The following HS6ST3 variants were observed in gnomAD, a reference collection of about 807,000 sequenced individuals.
HS6ST3 encodes heparan sulfate 6-O-sulfotransferase 3.
A neutral mutation model predicts 36.7 loss-of-function variants in HS6ST3; 12 were observed. The ratio of observed to expected loss-of-function variants is 0.33; its 90% CI spans 0.21 to 0.53. HS6ST3 has a LOEUF of 0.53. Ranked by LOEUF, HS6ST3 falls within the 20% of genes least tolerant of loss-of-function variation. The pLI, the probability that HS6ST3 is intolerant of heterozygous loss-of-function variation, is 0.95. For missense variants in HS6ST3, 584 were observed against 640.9 expected, an observed-to-expected ratio of 0.91 and a Z score of 0.96; for synonymous variants, 240 against 257.5, an observed-to-expected ratio of 0.93 and a Z score of 0.65.
In HS6ST3 at chr13:96,771,327, G is replaced by A. The variant is rs894797984; in HGVS notation, c.708-61163G>A. Among the ~76,000 whole-genome samples, 13 of 151,150 alleles carry A rather than the reference G, an allele frequency of 8.6e-5. No individual in the cohort carries two copies. The South Asian group carries it at 1.5e-3, about 17-fold the overall frequency. ...AGGAGATATACCTAATGTAAATGAC[G>A]AGTTAATGGGTGCAGCACACCAACA... is the stretch of plus-strand genomic sequence containing the variant. On this transcript the variant is annotated intron_variant, in intron 1 of 1. Coordinates refer to ENST00000376705, the MANE Select transcript of HS6ST3 (RefSeq NM_153456.4).
At chr13:96,501,878 G>A (rs1240437399) in intron 1 of HS6ST3, among the ~76,000 whole-genome samples, 3 of 152,208 alleles carry the variant, frequency 2.0e-5, no homozygotes, top group Non-Finnish European at 4.4e-5. Context: ...CAAAACTTTT[G>A]TTAGCTAGCA....
chr13:96,257,877 C>A (rs1427664543), intron 1 of HS6ST3, among the ~76,000 whole-genome samples: 1 of 152,280 alleles, frequency 6.6e-6, no homozygotes, highest in Admixed American at 6.5e-5. Flanking sequence ...CTTTGTGTTA[C>A]AAGAGCTGAT....
chr13:96,683,392 T>C (rs746669770), intron 1 of HS6ST3, among the ~76,000 whole-genome samples: 58 of 152,276 alleles, frequency 3.8e-4, no homozygotes, highest in Non-Finnish European at 8.2e-4. Flanking sequence ...CTTAGCAGAA[T>C]TTTTACTGAT....
chr13:96,210,429 C>T (rs1303082520), intron 1 of HS6ST3, among the ~76,000 whole-genome samples: 2 of 152,144 alleles, frequency 1.3e-5, no homozygotes, highest in Admixed American at 1.3e-4. Flanking sequence ...GAGGTGTGAC[C>T]CTGGGTCTCT....
intron 1 of HS6ST3, among the ~76,000 whole-genome samples, chr13:96,327,086 G>A (rs1272419126): frequency 1.4e-5 from 2 of 143,418 alleles, no homozygotes; most frequent in Non-Finnish European, 3.0e-5. Flanking sequence ...TTAGCCCTTT[G>A]TCAGATGAGT....
intron 1 of HS6ST3, among the ~76,000 whole-genome samples, chr13:96,690,546 A>G (rs1202300999): frequency 1.3e-5 from 2 of 152,118 alleles, no homozygotes; most frequent in Admixed American, 1.3e-4. Context: ...TCTCCCGGGC[A>G]TGGAAGGAAT....
Position 96,118,042 on chromosome 13 carries a change from G to A in HS6ST3, c.707+26473G>A, listed in dbSNP as rs565410569. ...GTACCACCACGCCCAGCTAATTTTT[G>A]TATTTTTTAAGTAGAGATGGGGTTT... On this transcript the variant is annotated intron_variant, in intron 1 of 1. Transcript: ENST00000376705. 7.9e-5 allele frequency among the ~76,000 whole-genome samples: 12 copies of A among 151,970 alleles called. 1 individual carries two copies. The highest frequency in any genetic ancestry group is 2.4e-4 in the African/African-American group (10 of 41,420).
At chr13:96,310,296 G>C (rs2054933955) in intron 1 of HS6ST3, among the ~76,000 whole-genome samples, 2 of 152,102 alleles carry the variant, frequency 1.3e-5, no homozygotes, top group African/African-American at 4.8e-5. Context: ...AATGACATTA[G>C]AATAACTTAA....
chr13:96,673,906 A>G (rs1267244014), intron 1 of HS6ST3, among the ~76,000 whole-genome samples: 1 of 152,168 alleles, frequency 6.6e-6, no homozygotes, highest in African/African-American at 2.4e-5. Flanking sequence ...TACTTTAAAA[A>G]ATATATTTTT....
At chr13:96,240,546 A>G (rs1049928665) in intron 1 of HS6ST3, among the ~76,000 whole-genome samples, 1 of 152,214 alleles carries the variant, frequency 6.6e-6, no homozygotes, top group African/African-American at 2.4e-5. Flanking sequence ...TTATTTAAGT[A>G]GGAATTGGGT....
At chr13:96,703,296 A>G (rs751689493) in intron 1 of HS6ST3, among the ~76,000 whole-genome samples, 9 of 152,208 alleles carry the variant, frequency 5.9e-5, no homozygotes, top group Admixed American at 2.0e-4. Context: ...CAGCTTGCTT[A>G]AGAACTGTAT....
At chr13:96,342,818 C>G (rs1304472802) in intron 1 of HS6ST3, among the ~76,000 whole-genome samples, 1 of 152,198 alleles carries the variant, frequency 6.6e-6, no homozygotes, top group African/African-American at 2.4e-5. Flanking sequence ...GGTCTTCTCA[C>G]TGTTGTTAGG....
chr13:96,458,139 G>C (rs1355524460), intron 1 of HS6ST3, among the ~76,000 whole-genome samples: 1 of 152,040 alleles, frequency 6.6e-6, no homozygotes, highest in Non-Finnish European at 1.5e-5. Context: ...TTTGTATTCT[G>C]TATTCCCATA....
chr13:96,283,707 C>T (rs2054786535), intron 1 of HS6ST3, among the ~76,000 whole-genome samples: 1 of 152,076 alleles, frequency 6.6e-6, no homozygotes, highest in Non-Finnish European at 1.5e-5. Context: ...TTTTTTCCAA[C>T]AAAATTATGT....
At chr13:96,718,124 G>T (rs1355724891) in intron 1 of HS6ST3, among the ~76,000 whole-genome samples, 1 of 152,098 alleles carries the variant, frequency 6.6e-6, no homozygotes, top group Admixed American at 6.6e-5. Context: ...GTCTGGGTCA[G>T]CATCCCACCT....
At chr13:96,441,950 A>C (rs2055673604) in intron 1 of HS6ST3, among the ~76,000 whole-genome samples, 1 of 152,196 alleles carries the variant, frequency 6.6e-6, no homozygotes, top group African/African-American at 2.4e-5. Flanking sequence ...ATCATATAGG[A>C]AAATTTTCCA....
intron 1 of HS6ST3, among the ~76,000 whole-genome samples, chr13:96,529,561 A>G (rs2056127648): frequency 6.6e-6 from 1 of 152,154 alleles, no homozygotes; most frequent in African/African-American, 2.4e-5. Context: ...TAGTTATCTT[A>G]CATTTTATAT....
chr13:96,559,780 G>C (rs2056255278), intron 1 of HS6ST3, among the ~76,000 whole-genome samples: 1 of 151,472 alleles, frequency 6.6e-6, no homozygotes, highest in South Asian at 2.1e-4. Context: ...ATTCCTTTCA[G>C]ATGTTTAATA....
At chr13:96,425,401 T>A (rs970442103) in intron 1 of HS6ST3, among the ~76,000 whole-genome samples, 1 of 152,154 alleles carries the variant, frequency 6.6e-6, no homozygotes, top group Non-Finnish European at 1.5e-5. Flanking sequence ...CAAGTCCATA[T>A]TTGGCTTTTC....
Sources: gnomAD v4.1 joint callset for allele counts (sites outside exome capture counted in the v4.1 genomes callset) on GRCh38, gnomAD v4.1.1 for gene constraint, MANE v1.5 for transcripts, NCBI Gene and HGNC (gene_info 2026-07-23, HGNC 2026-07-21) for gene names.